Variants in ARHGAP6 observed in about 807,000 individuals in gnomAD.
ARHGAP6 encodes the protein Rho GTPase activating protein 6.
ARHGAP6 carries 16 observed loss-of-function variants against 55.7 expected under a neutral mutation model. The ratio of observed to expected loss-of-function variants is 0.29; its 90% CI spans 0.19 to 0.44. The LOEUF is 0.44. ARHGAP6 is among the 20% of genes least tolerant of loss of function. The probability of loss-of-function intolerance (pLI) is 1.00; values close to 1 mark genes in which losing one functional copy is unlikely to be tolerated. For missense variants in ARHGAP6, 698 were observed against 808.9 expected, an observed-to-expected ratio of 0.86 and a Z score of 1.66; for synonymous variants, 382 against 360.9, an observed-to-expected ratio of 1.06 and a Z score of -0.66.
Position 11,229,585 on chromosome X carries a change from T to C in ARHGAP6, c.748+24963A>G, listed in dbSNP as rs555620562. Among the ~76,000 whole-genome samples the C allele has an allele frequency of 1.2e-4, 14 of 112,440 alleles. No homozygotes were observed. In the South Asian group the frequency reaches 5.1e-3, roughly 41 times the overall value. The stretch of plus-strand genomic sequence containing the variant: ...TAAAATCTTGTATGATGAACTCTCT[T>C]ACCTTTCCTTTTTAATGTGCAGTTT... On this transcript the variant is annotated intron_variant, in intron 2 of 12. Coordinates refer to ENST00000337414, the MANE Select transcript of ARHGAP6 (RefSeq NM_013427.3).
chrX:11,391,565 G>A (rs1484922570), intron 1 of ARHGAP6, among the ~76,000 whole-genome samples: 1 of 111,912 alleles, frequency 8.9e-6, no homozygotes, highest in African/African-American at 3.2e-5. Context: ...CCATTTCCAC[G>A]TGCTTGATAG....
intron 10 of ARHGAP6, among the ~76,000 whole-genome samples, chrX:11,147,046 T>TA (rs2045703004): frequency 9.0e-6 from 1 of 111,673 alleles, no homozygotes; most frequent in Non-Finnish European, 1.9e-5. Context: ...ATAGATTTTT[T>TA]AAAAAAATAG....
chrX:11,663,512 C>A (rs2052722432), intron 1 of ARHGAP6, among the ~76,000 whole-genome samples: 2 of 112,089 alleles, frequency 1.8e-5, no homozygotes, highest in African/African-American at 3.2e-5. Flanking sequence ...TTTTTCTTAA[C>A]TGGACAGCAA....
At chrX:11,605,545 T>C (rs2052025901) in intron 1 of ARHGAP6, among the ~76,000 whole-genome samples, 1 of 109,625 alleles carries the variant, frequency 9.1e-6, no homozygotes, top group South Asian at 3.8e-4. Context: ...AAATAATGAG[T>C]ACACTGTTCA....
At chrX:11,648,612 A>G (rs747768528) in intron 1 of ARHGAP6, among the ~76,000 whole-genome samples, 7 of 112,179 alleles carry the variant, frequency 6.2e-5, no homozygotes, top group African/African-American at 2.3e-4. Context: ...GACCCCTTAT[A>G]GCTTGTGTAC....
At chrX:11,512,256 C>A (rs965684831) in intron 1 of ARHGAP6, among the ~76,000 whole-genome samples, 1 of 111,742 alleles carries the variant, frequency 8.9e-6, no homozygotes, top group African/African-American at 3.3e-5. Context: ...TTAGGCCTTT[C>A]AAATTAATTC....
chrX:11,585,610 C>T (rs2051723990), intron 1 of ARHGAP6, among the ~76,000 whole-genome samples: 1 of 112,437 alleles, frequency 8.9e-6, no homozygotes, highest in African/African-American at 3.2e-5. Flanking sequence ...GTCCTTTGCC[C>T]ACTTTTTAAT....
intron 1 of ARHGAP6, among the ~76,000 whole-genome samples, chrX:11,622,647 G>A (rs1022662902): frequency 9.1e-5 from 10 of 110,163 alleles, no homozygotes; most frequent in African/African-American, 3.0e-4. Flanking sequence ...AGGGATTGAG[G>A]GAAATCAAAT....
intron 2 of ARHGAP6, among the ~76,000 whole-genome samples, chrX:11,220,173 A>G (rs979746463): frequency 1.8e-5 from 2 of 109,865 alleles, no homozygotes; most frequent in Non-Finnish European, 3.8e-5. Context: ...TGTTTTTCTC[A>G]GGTTTGTCAA....
intron 8 of ARHGAP6, among the ~76,000 whole-genome samples, chrX:11,171,668 C>CTTTCT (rs1406826257): frequency 2.3e-4 from 26 of 112,156 alleles, no homozygotes; most frequent in Middle Eastern, 4.6e-3. Flanking sequence ...TTCTACTTGT[C>CTTTCT]TTTCTTTCAG....
chrX:11,138,116 G>T lies in ARHGAP6; in HGVS notation c.*747C>A, dbSNP rs750959224. On this transcript the variant is annotated 3_prime_UTR_variant, in exon 13 of 13. Coordinates refer to ENST00000337414, the MANE Select transcript of ARHGAP6 (RefSeq NM_013427.3). ...GGACGGACAACTTCTTAATTTCTTTGTGAGGCACTGCCTTTTTCTTGTTTG... is the reference window on the plus strand; with the variant it reads ...GGACGGACAACTTCTTAATTTCTTTTTGAGGCACTGCCTTTTTCTTGTTTG... The T allele has an allele frequency of 8.9e-6, 1 of 112,152 alleles. No homozygotes were observed. Among genetic ancestry groups the T allele is most frequent in the Non-Finnish European group, 1.9e-5 (1 of 53,206 alleles). The allele number at this position is 112,152 out of a possible 1,213,427, so 9.2% of individuals were successfully genotyped here. A position where few individuals can be genotyped will look rare whatever the true frequency, so the allele number is the denominator to read the frequency against.
intron 1 of ARHGAP6, among the ~76,000 whole-genome samples, chrX:11,594,746 G>A (rs1187801383): frequency 1.8e-5 from 2 of 111,799 alleles, no homozygotes; most frequent in Non-Finnish European, 3.8e-5. Flanking sequence ...TGTCTTCCAC[G>A]AAACCAATTC....
At chrX:11,192,920 T>G (rs1031496322) in intron 3 of ARHGAP6, among the ~76,000 whole-genome samples, 1 of 112,316 alleles carries the variant, frequency 8.9e-6, no homozygotes, top group Admixed American at 9.4e-5. Flanking sequence ...GACACAGAAA[T>G]TTTCTGAAGT....
chrX:11,595,072 C>T (rs1303830965), intron 1 of ARHGAP6, among the ~76,000 whole-genome samples: 2 of 111,340 alleles, frequency 1.8e-5, no homozygotes, highest in Admixed American at 9.5e-5. Context: ...GGGCAGATCA[C>T]GAGGTCAGGA....
intron 1 of ARHGAP6, among the ~76,000 whole-genome samples, chrX:11,435,942 A>G (rs2049982919): frequency 8.9e-6 from 1 of 112,253 alleles, no homozygotes; most frequent in African/African-American, 3.2e-5. Context: ...GACTAAGAAT[A>G]AAAAGAATGC....
At chrX:11,406,102 C>T (rs2049605660) in intron 1 of ARHGAP6, among the ~76,000 whole-genome samples, 1 of 110,837 alleles carries the variant, frequency 9.0e-6, no homozygotes, top group South Asian at 3.9e-4. Flanking sequence ...AGGGTCTTGC[C>T]ATATTGCCCA....
chrX:11,618,380 G>A (rs957712315), intron 1 of ARHGAP6, among the ~76,000 whole-genome samples: 8 of 112,255 alleles, frequency 7.1e-5, no homozygotes, highest in African/African-American at 1.3e-4. Flanking sequence ...GATAAATTAC[G>A]TTGCATGTCA....
chrX:11,523,638 G>C (rs2050958499), intron 1 of ARHGAP6, among the ~76,000 whole-genome samples: 1 of 111,800 alleles, frequency 8.9e-6, no homozygotes, highest in Non-Finnish European at 1.9e-5. Context: ...CTCCTATGGA[G>C]TCTGCATCTC....
chrX:11,481,514 A>G (rs183364733), intron 1 of ARHGAP6, among the ~76,000 whole-genome samples: 9 of 112,659 alleles, frequency 8.0e-5, no homozygotes, highest in Non-Finnish European at 1.5e-4. Flanking sequence ...TGGGGACTCC[A>G]TGATTGAAGG....
Sources: allele counts gnomAD v4.1 joint callset (sites outside exome capture counted in the v4.1 genomes callset), GRCh38; gene constraint gnomAD v4.1.1; transcripts MANE v1.5; gene names NCBI Gene and HGNC (gene_info 2026-07-23, HGNC 2026-07-21).